TENM2: variants seen among roughly 807,000 people sequenced by gnomAD.
TENM2 encodes the protein teneurin-2.
A neutral mutation model predicts 245.2 loss-of-function variants in TENM2; 52 were observed. The ratio of observed to expected loss-of-function variants is 0.21; its 90% CI spans 0.17 to 0.27. The LOEUF (loss-of-function observed/expected upper bound fraction) is 0.27. Ranked by LOEUF, TENM2 falls within the 10% of genes least tolerant of loss-of-function variation. TENM2 has a pLI of 1.00. For missense variants in TENM2, 3,046 were observed against 3,666.8 expected (o/e 0.83, Z 4.37); for synonymous variants, 1,363 against 1,438.9 (o/e 0.95, Z 1.19).
chr5:167,057,043 T>C, the TENM2 span, among the ~76,000 whole-genome samples: 8 of 152,072 alleles, frequency 5.3e-5, no homozygotes, highest in Non-Finnish European at 1.0e-4. Flanking sequence ...TCTCCCTGCT[T>C]TTCAGTTTTC....
chr5:167,661,545 A>G (rs533107377), intron 2 of TENM2, among the ~76,000 whole-genome samples: 1 of 152,362 alleles, frequency 6.6e-6, no homozygotes, highest in Admixed American at 6.5e-5. Context: ...GGGATTGCCA[A>G]GTTAATTTGG....
chr5:167,365,883 A>G (rs569949353), intron 1 of TENM2, among the ~76,000 whole-genome samples: 3 of 152,168 alleles, frequency 2.0e-5, no homozygotes, highest in Admixed American at 6.5e-5. Flanking sequence ...GCAAATTAGT[A>G]GTAATGCATA....
intron 3 of TENM2, among the ~76,000 whole-genome samples, chr5:167,911,863 C>A (rs1776582006): frequency 6.6e-6 from 1 of 151,912 alleles, no homozygotes; most frequent in South Asian, 2.1e-4. Context: ...AATAAGCTTC[C>A]TTTTTTAATT....
At chr5:167,996,647 T>C (rs1248601524) in intron 5 of TENM2, among the ~76,000 whole-genome samples, 1 of 152,206 alleles carries the variant, frequency 6.6e-6, no homozygotes, top group Non-Finnish European at 1.5e-5. Flanking sequence ...GTTATCTTGA[T>C]AGTATGCATA....
At chr5:168,168,390 G>GA (rs1472042128) in intron 13 of TENM2, among the ~76,000 whole-genome samples, 2 of 152,174 alleles carry the variant, frequency 1.3e-5, no homozygotes, top group Admixed American at 1.3e-4. Flanking sequence ...TAGCTGAAAA[G>GA]ACATGAAGTC....
the TENM2 span, among the ~76,000 whole-genome samples, chr5:167,144,760 G>T: frequency 1.3e-5 from 2 of 152,182 alleles, no homozygotes; most frequent in African/African-American, 4.8e-5. Context: ...CTGTCCGTGT[G>T]CTGTGACATT....
chr5:167,807,864 A>G (rs1766343786), intron 2 of TENM2, among the ~76,000 whole-genome samples: 1 of 152,180 alleles, frequency 6.6e-6, no homozygotes, highest in African/African-American at 2.4e-5. Context: ...TGCCCAGGTC[A>G]CACCCGTACC....
chr5:167,806,087 G>A (rs574523928), intron 2 of TENM2, among the ~76,000 whole-genome samples: 20 of 152,242 alleles, frequency 1.3e-4, no homozygotes, highest in Non-Finnish European at 2.1e-4. Context: ...GTAAGCCACC[G>A]GATGCCACGG....
intron 2 of TENM2, among the ~76,000 whole-genome samples, chr5:167,508,121 C>G (rs10057862): frequency 6.6e-6 from 1 of 152,058 alleles, no homozygotes; most frequent in Non-Finnish European, 1.5e-5. Flanking sequence ...GTTTGTTACA[C>G]GTCCCTTAAT....
At chr5:167,129,591 G>C in the TENM2 span, among the ~76,000 whole-genome samples, 3,488 of 152,260 alleles carry the variant, frequency 0.023, 112 homozygotes, top group African/African-American at 0.078. Flanking sequence ...TTGCACTTAA[G>C]CATTCTAAGC....
chr5:167,546,472 G>T (rs1267824987), intron 2 of TENM2, among the ~76,000 whole-genome samples: 1 of 152,180 alleles, frequency 6.6e-6, no homozygotes, highest in Non-Finnish European at 1.5e-5. Flanking sequence ...AAGAAATGGA[G>T]TCTGGTGCCT....
At chr5:167,040,208 T>A in the TENM2 span, among the ~76,000 whole-genome samples, 1 of 152,080 alleles carries the variant, frequency 6.6e-6, no homozygotes, top group East Asian at 2.0e-4. Flanking sequence ...AGGAATGGTG[T>A]TCCTGACCCT....
chr5:167,698,691 T>TTTTTTTTTTTTTTTTTTG (rs1757944986), intron 2 of TENM2, among the ~76,000 whole-genome samples: 1 of 146,240 alleles, frequency 6.8e-6, no homozygotes, highest in African/African-American at 2.6e-5. Context: ...TTTTTTTTTT[T>TTTTTTTTTTTTTTTTTTG]TTTTTTTTTT....
chr5:168,090,797 G>A (rs774762466), intron 8 of TENM2, 28 bp downstream of exon 10: 32 of 1,573,912 alleles, frequency 2.0e-5, no homozygotes, highest in Middle Eastern at 1.7e-4. Context: ...GAGATGGTAC[G>A]CCATGAAGGG....
chr5:168,250,044 C>T (rs1207106809), intron 27 of TENM2, among the ~76,000 whole-genome samples: 1 of 151,826 alleles, frequency 6.6e-6, no homozygotes, highest in African/African-American at 2.4e-5. Context: ...ATCAGGATGG[C>T]TGGATGGTTG....
intron 2 of TENM2, among the ~76,000 whole-genome samples, chr5:167,441,600 T>G (rs2127460204): frequency 6.6e-6 from 1 of 152,346 alleles, no homozygotes; most frequent in South Asian, 2.1e-4. Context: ...AAAGTAATTT[T>G]GCTTCCTATT....
At chr5:167,135,870 G>T in the TENM2 span, among the ~76,000 whole-genome samples, 17 of 152,238 alleles carry the variant, frequency 1.1e-4, no homozygotes, top group Non-Finnish European at 2.2e-4. Context: ...AGTGATCTTG[G>T]TTATCTGTCC....
At chr5:167,021,278 T>C in the TENM2 span, among the ~76,000 whole-genome samples, 2 of 152,248 alleles carry the variant, frequency 1.3e-5, no homozygotes, top group African/African-American at 2.4e-5. Flanking sequence ...AAAATGACTT[T>C]CTTTGATTTG....
intron 2 of TENM2, among the ~76,000 whole-genome samples, chr5:167,424,772 A>C (rs1582004326): frequency 6.6e-6 from 1 of 152,160 alleles, no homozygotes; most frequent in Non-Finnish European, 1.5e-5. Context: ...AGCTTGGAGC[A>C]TGAAGGTTTG....
Sources: allele counts gnomAD v4.1 joint callset (sites outside exome capture counted in the v4.1 genomes callset), GRCh38; gene constraint gnomAD v4.1.1; transcripts MANE v1.5; gene names NCBI Gene and HGNC (gene_info 2026-07-23, HGNC 2026-07-21).